The following TAF9B variants were observed in gnomAD, a reference collection of about 807,000 sequenced individuals.
The protein encoded by TAF9B is TATA-box binding protein associated factor 9b.
A neutral mutation model predicts 17.6 loss-of-function variants in TAF9B; 47 were observed. The ratio of observed to expected loss-of-function variants is 2.68; its 90% CI spans 2.12 to 3.41. The LOEUF (loss-of-function observed/expected upper bound fraction) is 3.41. Ranked by LOEUF, TAF9B falls within the 30% of genes most tolerant of loss-of-function variation. TAF9B has a pLI of 0.00. For synonymous variants in TAF9B, 84 were observed against 68.7 expected (o/e 1.22, Z -1.10); for missense variants, 218 against 189.3 (o/e 1.15, Z -0.89).
At position 78,137,978 on chromosome X, in the gene TAF9B, G is replaced by A. The variant is rs1262296362; in HGVS notation, c.254C>T (p.Ser85Phe). ...TTTGCTCACATCTCTTGGGGGAGGA[G>A]AGGTAAAAGATTGGTCAGCACGACA... is the stretch of plus-strand genomic sequence containing the variant. The part of the protein sequence containing the change: ...IQCRADQSFT[S>F]PPPRDFLLDI... Residue 85 changes from serine (S) to phenylalanine (F), a missense_variant, in exon 3 of 7, where the codon TCT becomes TTT. Transcript: ENST00000341864. The A allele has an allele frequency of 4.1e-6, 5 of 1,207,177 alleles. No individual in the cohort carries two copies. The highest frequency in any genetic ancestry group is 5.6e-6 in the Non-Finnish European group (5 of 894,365).
At position 78,133,338 on chromosome X, in the gene TAF9B, C is replaced by T; in HGVS notation, c.592G>A (p.Val198Ile). The change falls in exon 6 of 7, where the codon GTT becomes ATT. Residue 198 changes from valine to isoleucine, a missense_variant and splice_region_variant. By Grantham distance (29) the Val-to-Ile change is conservative. Transcript: ENST00000341864. ...TGTCCCCCACTCCCAATCACATTAC[C>T]TGGTTTGACAGGTGTGGACTGAGAA... ...PPSQSTPVKP[V>I]PATTAVQNVL... 1 of 1,200,431 alleles carries T rather than the reference C, an allele frequency of 8.3e-7. No individual in the cohort carries two copies. The highest frequency in any genetic ancestry group is 1.1e-6 in the Non-Finnish European group (1 of 885,840).
intron 4 of TAF9B, 80 bp downstream of exon 4, chrX:78,137,669 G>T: frequency 1.1e-6 from 1 of 946,929 alleles, no homozygotes; most frequent in Non-Finnish European, 1.4e-6. Flanking sequence ...TACTATACTA[G>T]CTACAGGAAT....
At position 78,130,934 on chromosome X, in the gene TAF9B, A is replaced by G. The variant is rs1557249372; in HGVS notation, c.*676T>C. ...GGCATGTAGAGCATGTTTTAAAAAT[A>G]GGAAAATGACACTGAGCTGTATTAC... On this transcript the variant is annotated 3_prime_UTR_variant, in exon 7 of 7. Transcript: ENST00000341864. 8.9e-6 allele frequency: 1 copy of G among 112,078 alleles called. No individual in the cohort carries two copies. Among genetic ancestry groups the G allele is most frequent in the African/African-American group, 3.2e-5 (1 of 30,821 alleles). The allele number at this position is 112,078 out of a possible 1,213,427, so 9.2% of individuals were successfully genotyped here.
At chrX:78,134,986 T>C (rs1201351055) in intron 5 of TAF9B, among the ~76,000 whole-genome samples, 6 of 103,812 alleles carry the variant, frequency 5.8e-5, no homozygotes, top group African/African-American at 2.1e-4. Flanking sequence ...AGAGTCTTAC[T>C]CTGTCGTCCA....
At chrX:78,135,613 TAAAAAC>T (rs2078431207) in intron 5 of TAF9B, among the ~76,000 whole-genome samples, 1 of 109,802 alleles carries the variant, frequency 9.1e-6, no homozygotes, top group African/African-American at 3.3e-5. Flanking sequence ...AAATAAAAAA[TAAAAAC>T]AAAAAAAAAC....
rs1324340814 is a variant in TAF9B, at chrX:78,129,991, GCCTC to G, written c.*1615_*1618del. ...TAGAACCTAGGCCTTCTGACTTGCT[GCCTC>G]CCTGAGAACATTCAAGTAATAATAT... On this transcript the variant is annotated 3_prime_UTR_variant, in exon 7 of 7. Coordinates refer to ENST00000341864, the MANE Select transcript of TAF9B (RefSeq NM_015975.5). The G allele has an allele frequency of 8.9e-6, 1 of 111,854 alleles. No homozygotes were observed. Among genetic ancestry groups the G allele is most frequent in the Non-Finnish European group, 1.9e-5 (1 of 53,119 alleles). The allele number at this position is 111,854 out of a possible 1,213,427, so 9.2% of individuals were successfully genotyped here. A position where few individuals can be genotyped will look rare whatever the true frequency, so the allele number is the denominator to read the frequency against.
At position 78,137,868 on chromosome X, in the gene TAF9B, C is replaced by T. The variant is rs372088655; in HGVS notation, c.286G>A (p.Ala96Thr). Residue 96 changes from alanine to threonine, a missense_variant, in exon 4 of 7, where the codon GCA becomes ACA. Physicochemically the swap from Ala to Thr is moderately conservative, Grantham distance 58. Transcript: ENST00000341864. ...PPPRDFLLDI[A>T]RQKNQTPLPL... The stretch of plus-strand genomic sequence containing the variant: ...AAAGGGGTTTGATTTTTCTGCCTTG[C>T]GATATCCAGTAAAAACTTAAAAAAA... 5.5e-5 allele frequency: 66 copies of T among 1,200,563 alleles called. No individual in the cohort carries two copies. The highest frequency in any genetic ancestry group is 2.4e-4 in the Middle Eastern group (1 of 4,228).
In TAF9B at chrX:78,137,829, G is replaced by A; in HGVS notation, c.325C>T (p.Pro109Ser). Reference sequence around the variant, plus strand: ...GGTGGCAGTCTAGGTCCTGCATATGGCTTAATCAGTGGCAAAGGGGTTTGA... The same window carrying A: ...GGTGGCAGTCTAGGTCCTGCATATGACTTAATCAGTGGCAAAGGGGTTTGA... ...KNQTPLPLIKPYAGPRLPPDR... is the reference protein window; with the variant it reads ...KNQTPLPLIKSYAGPRLPPDR... Residue 109 changes from proline to serine, a missense_variant, in exon 4 of 7, where the codon CCA becomes TCA. Transcript: ENST00000341864. The A allele has an allele frequency of 8.3e-7, 1 of 1,209,776 alleles. No individual in the cohort carries two copies. The highest frequency in any genetic ancestry group is 2.2e-5 in the Admixed American group (1 of 45,831).
rs1264029036 is a variant in TAF9B at position 78,136,962 on chromosome X, C to T, written c.434G>A (p.Arg145Gln). 2.5e-6 allele frequency: 3 copies of T among 1,203,884 alleles called. No homozygotes were observed. Among genetic ancestry groups the T allele is most frequent in the South Asian group, 1.8e-5 (1 of 56,248 alleles). ...GCTACTAACAGCACCAACACTTAAT[C>T]GTGGAACTAGTCTCCCTTGGTTAGG... is the stretch of plus-strand genomic sequence containing the variant. The part of the protein sequence containing the change: ...KGPNQGRLVP[R>Q]LSVGAVSSKP... The change falls in exon 5 of 7, where the codon CGA (arginine) becomes CAA (glutamine). Residue 145 changes from arginine to glutamine, a missense_variant. By Grantham distance (43) the Arg-to-Gln change is conservative (BLOSUM62 1). Transcript: ENST00000341864.
At position 78,130,150 on chromosome X, in the gene TAF9B, ATTTC is replaced by A. The variant is rs1237360588; in HGVS notation, c.*1456_*1459del. ...AAAACTGATACGAGACATTTGAGAC[ATTTC>A]TTCTCTGTTACTGGACTTTCTTAGA... On this transcript the variant is annotated 3_prime_UTR_variant, in exon 7 of 7. Coordinates refer to ENST00000341864, the MANE Select transcript of TAF9B (RefSeq NM_015975.5). 1 of 112,505 alleles carries A rather than the reference ATTTC, an allele frequency of 8.9e-6. No individual in the cohort carries two copies. Among genetic ancestry groups the A allele is most frequent in the Non-Finnish European group, 1.9e-5 (1 of 53,303 alleles). The allele number at this position is 112,505 out of a possible 1,213,427, so 9.3% of individuals were successfully genotyped here. A position where few individuals can be genotyped will look rare whatever the true frequency, so the allele number is the denominator to read the frequency against.
At chrX:78,133,844 C>T (rs782313310) in intron 5 of TAF9B, among the ~76,000 whole-genome samples, 4 of 111,712 alleles carry the variant, frequency 3.6e-5, no homozygotes, top group African/African-American at 1.3e-4. Flanking sequence ...ACTCTTCAAA[C>T]AGCCTCTAGT....
In TAF9B at chrX:78,131,637, T is replaced by A; in HGVS notation, c.729A>T (p.Glu243Asp). ...ACATAATATCATTGTCATCATCATC[T>A]TCATGTTTTCTCTTCAGTGGGTTTG... The part of the protein sequence containing the change: ...NEANPLKRKH[E>D]DDDDNDIM Residue 243 changes from glutamate to aspartate, a missense_variant, in exon 7 of 7, where the codon GAA becomes GAT. Physicochemically the swap from Glu to Asp is conservative, Grantham distance 45. Coordinates refer to ENST00000341864, the MANE Select transcript of TAF9B (RefSeq NM_015975.5). 2 of 1,210,992 alleles carry A rather than the reference T, an allele frequency of 1.7e-6. No homozygotes were observed. The highest frequency in any genetic ancestry group is 1.1e-6 in the Non-Finnish European group (1 of 894,822).
At position 78,138,108 on chromosome X, in the gene TAF9B, C is replaced by A. The variant is rs782160975; in HGVS notation, c.134-10G>T. The stretch of plus-strand genomic sequence containing the variant: ...ATTGTAGTCACATAACCTATAAGAA[C>A]AAAACAATCTTTTCTTAAACATATG... On this transcript the variant is annotated splice_polypyrimidine_tract_variant and intron_variant, in intron 2 of 6. Transcript: ENST00000341864. 7.6e-6 allele frequency: 9 copies of A among 1,178,705 alleles called. No homozygotes were observed. In the Admixed American group the frequency reaches 2.0e-4, roughly 26 times the overall value.
chrX:78,131,801 A>G (rs782795851), intron 6 of TAF9B, 28 bp from the exon 7 acceptor site: 7 of 1,178,932 alleles, frequency 5.9e-6, no homozygotes, highest in East Asian at 6.0e-5. Context: ...AGCCCCCCCA[A>G]AACCAAGCTA....
intron 4 of TAF9B, 69 bp downstream of exon 4, chrX:78,137,680 T>C: frequency 9.9e-7 from 1 of 1,012,112 alleles, no homozygotes; most frequent in South Asian, 2.4e-5. Flanking sequence ...CTACAGGAAT[T>C]TGCTTTTCAC....
chrX:78,137,651 C>T (rs1456150885), intron 4 of TAF9B, 98 bp downstream of exon 4: 3 of 807,791 alleles, frequency 3.7e-6, no homozygotes, highest in Admixed American at 4.0e-5. Context: ...TTATCTTAAC[C>T]TTTAATCTAC....
Position 78,136,869 on chromosome X carries a change from G to C in TAF9B, c.481+46C>G, listed in dbSNP as rs370992568. The C allele has an allele frequency of 3.1e-6, 3 of 982,838 alleles. No individual in the cohort carries two copies. The African/African-American group carries it at 5.7e-5, about 19-fold the overall frequency. 81.0% of individuals were successfully genotyped at this position (982,838 alleles called of 1,213,427 possible). A position where few individuals can be genotyped will look rare whatever the true frequency, so the allele number is the denominator to read the frequency against. On this transcript the variant is annotated intron_variant, in intron 5 of 6. Transcript: ENST00000341864. ...ATTATAGTTCAAAACCAAGTGCTGA[G>C]GCACTGCTTTACCAGCCAGAAATGC...
chrX:78,138,441 AC>A (rs1557250309), intron 2 of TAF9B, among the ~76,000 whole-genome samples: 1 of 112,945 alleles, frequency 8.9e-6, no homozygotes, highest in African/African-American at 3.2e-5. Flanking sequence ...ATTCTATGAT[AC>A]TGTTAACATA....
intron 1 of TAF9B, 109 bp from the exon 2 acceptor site, chrX:78,139,033 C>G: frequency 1.7e-6 from 1 of 603,968 alleles, no homozygotes; most frequent in South Asian, 2.9e-5. Context: ...TCTTTGGGCT[C>G]CAAAGTCCTA....
Sources: allele counts gnomAD v4.1 joint callset (sites outside exome capture counted in the v4.1 genomes callset), GRCh38; gene constraint gnomAD v4.1.1; transcripts MANE v1.5; gene names NCBI Gene and HGNC (gene_info 2026-07-23, HGNC 2026-07-21).